The following MAP2K6 variants were observed in gnomAD, a reference collection of about 807,000 sequenced individuals.
MAP2K6 encodes mitogen-activated protein kinase kinase 6.
In MAP2K6, 16 loss-of-function variants were observed where a neutral mutation model predicts 53.7. The ratio of observed to expected loss-of-function variants is 0.30; its 90% CI spans 0.20 to 0.45. The LOEUF (loss-of-function observed/expected upper bound fraction) is 0.45, where lower values mean the gene tolerates loss of function less well. Ranked by LOEUF, MAP2K6 falls within the 20% of genes least tolerant of loss-of-function variation. The pLI, the probability that MAP2K6 is intolerant of heterozygous loss-of-function variation, is 1.00. For synonymous variants in MAP2K6, 132 were observed against 143.1 expected, an observed-to-expected ratio of 0.92 and a Z score of 0.55; for missense variants, 204 against 411.9, an observed-to-expected ratio of 0.50 and a Z score of 4.37.
At chr17:69,524,651 T>A (rs1176986842) in intron 8 of MAP2K6, among the ~76,000 whole-genome samples, 1 of 152,006 alleles carries the variant, frequency 6.6e-6, no homozygotes, top group Non-Finnish European at 1.5e-5. Context: ...TAAGGCAAAT[T>A]TTAAATTTGT....
In MAP2K6 at chr17:69,426,350, C is replaced by T. The variant is rs527647933; in HGVS notation, c.16+11350C>T. Among the ~76,000 whole-genome samples, 383 of 152,302 alleles carry T rather than the reference C, an allele frequency of 2.5e-3. 1 individual carries two copies. Among genetic ancestry groups the T allele is most frequent in the Middle Eastern group, 0.024 (7 of 294 alleles). On this transcript the variant is annotated intron_variant, in intron 1 of 11. Coordinates refer to ENST00000590474, the MANE Select transcript of MAP2K6 (RefSeq NM_002758.4). ...AAATAAAAAGACTGACACTCATTCA[C>T]GAGGTCTTTATGAAGATTAAGCAAG...
chr17:69,418,348 ATTAGTGT>A (rs1905970225), intron 1 of MAP2K6, among the ~76,000 whole-genome samples: 1 of 152,178 alleles, frequency 6.6e-6, no homozygotes, highest in East Asian at 1.9e-4. Flanking sequence ...TGTTTTTCAG[ATTAGTGT>A]TACTTTAATG....
intron 1 of MAP2K6, chr17:69,504,439 C>T (rs978426403): frequency 6.6e-6 from 1 of 152,176 alleles, no homozygotes; most frequent in African/African-American, 2.4e-5. Flanking sequence ...CCATGCCCGG[C>T]TAATTTATTG....
chr17:69,489,598 A>G (rs773598675), intron 1 of MAP2K6, among the ~76,000 whole-genome samples: 2 of 152,226 alleles, frequency 1.3e-5, no homozygotes, highest in African/African-American at 2.4e-5. Context: ...AAATCTTTCT[A>G]TAGGACTGTG....
chr17:69,496,345 C>T (rs1161171698), intron 1 of MAP2K6, among the ~76,000 whole-genome samples: 11 of 150,432 alleles, frequency 7.3e-5, no homozygotes, highest in Non-Finnish European at 1.5e-4. Flanking sequence ...GATCTCGGCT[C>T]ACTGCAACCT....
intron 1 of MAP2K6, among the ~76,000 whole-genome samples, chr17:69,493,139 A>G (rs1461165536): frequency 1.3e-5 from 2 of 152,236 alleles, no homozygotes; most frequent in Admixed American, 6.5e-5. Context: ...GTTGTGTACA[A>G]TTCATTTGGA....
rs1333157661 is a variant in MAP2K6 at position 69,545,453 on chromosome 17, C to T, written c.*3700C>T. ...GCAGCTTTTATCACAGTTAAGCCAT[C>T]TGAAATGGAAACGAGTATGTATGGG... On this transcript the variant is annotated 3_prime_UTR_variant, in exon 12 of 12. Transcript: ENST00000590474. 2.6e-5 allele frequency: 4 copies of T among 152,162 alleles called. No homozygotes were observed. Among genetic ancestry groups the T allele is most frequent in the African/African-American group, 7.2e-5 (3 of 41,432 alleles). 9.4% of individuals were successfully genotyped at this position (152,162 alleles called of 1,614,324 possible).
At chr17:69,418,250 G>A (rs1297500131) in intron 1 of MAP2K6, among the ~76,000 whole-genome samples, 2 of 152,148 alleles carry the variant, frequency 1.3e-5, no homozygotes, top group Non-Finnish European at 2.9e-5. Context: ...GTTCTTTAGA[G>A]CATGCGGCCT....
intron 1 of MAP2K6, chr17:69,504,682 G>C (rs1909368690): frequency 6.5e-6 from 1 of 153,578 alleles, no homozygotes; most frequent in Admixed American, 6.5e-5. Context: ...CCAGGCCCTT[G>C]TTTGCTCTGT....
At chr17:69,453,139 C>T (rs2053596) in intron 1 of MAP2K6, among the ~76,000 whole-genome samples, 2 of 152,186 alleles carry the variant, frequency 1.3e-5, no homozygotes, top group African/African-American at 2.4e-5. Flanking sequence ...GTGCAGATTT[C>T]TGGGATAGGC....
At chr17:69,449,063 C>G (rs1027547965) in intron 1 of MAP2K6, among the ~76,000 whole-genome samples, 1 of 152,136 alleles carries the variant, frequency 6.6e-6, no homozygotes, top group African/African-American at 2.4e-5. Context: ...TGTAAAGGAG[C>G]GTTTTTCTCT....
intron 10 of MAP2K6, among the ~76,000 whole-genome samples, chr17:69,527,570 T>A (rs1351685666): frequency 1.3e-5 from 2 of 152,234 alleles, no homozygotes; most frequent in Non-Finnish European, 2.9e-5. Context: ...TGGCAAGTGA[T>A]GCTGGAAGCA....
chr17:69,439,394 T>C (rs2145146828), intron 1 of MAP2K6, among the ~76,000 whole-genome samples: 1 of 152,324 alleles, frequency 6.6e-6, no homozygotes, highest in African/African-American at 2.4e-5. Context: ...ATTCTCGATT[T>C]CCTCTATTCT....
chr17:69,501,131 T>C (rs1220324959), intron 1 of MAP2K6, among the ~76,000 whole-genome samples: 1 of 152,204 alleles, frequency 6.6e-6, no homozygotes, highest in Non-Finnish European at 1.5e-5. Flanking sequence ...GAAATCCCAT[T>C]CATATTGGGA....
At chr17:69,520,928 A>G in intron 6 of MAP2K6, 121 bp from the exon 7 acceptor site, 2 of 703,204 alleles carry the variant, frequency 2.8e-6, no homozygotes, top group Non-Finnish European at 4.8e-6. Context: ...TAGGACCACC[A>G]CTATTTGAGA....
At position 69,551,248 on chromosome 17, in the gene MAP2K6, A is replaced by G. The variant is rs1295183634; in HGVS notation, c.*9495A>G. 1.3e-5 allele frequency: 2 copies of G among 152,220 alleles called. No homozygotes were observed. The highest frequency in any genetic ancestry group is 2.9e-5 in the Non-Finnish European group (2 of 68,040). 9.4% of individuals were successfully genotyped at this position (152,220 alleles called of 1,614,324 possible). ...AATCCTTTGGACAATGTTGACACAG[A>G]CAGGGGTACGGTCTGAGACTCAAGC... On this transcript the variant is annotated 3_prime_UTR_variant, in exon 12 of 12. Coordinates refer to ENST00000590474, the MANE Select transcript of MAP2K6 (RefSeq NM_002758.4).
rs576579286 is a variant in MAP2K6 at position 69,550,558 on chromosome 17, T to C, written c.*8805T>C. ...GAAGCCATGAATTATGGGGAAGGAG[T>C]AGTTTTTTATTTTATTTTATTTTTC... On this transcript the variant is annotated 3_prime_UTR_variant, in exon 12 of 12. Coordinates refer to ENST00000590474, the MANE Select transcript of MAP2K6 (RefSeq NM_002758.4). 3.6e-4 allele frequency: 54 copies of C among 152,112 alleles called. No individual in the cohort carries two copies. Among genetic ancestry groups the C allele is most frequent in the African/African-American group, 1.3e-3 (54 of 41,508 alleles). The allele number at this position is 152,112 out of a possible 1,614,324, so 9.4% of individuals were successfully genotyped here. A position where few individuals can be genotyped will look rare whatever the true frequency, so the allele number is the denominator to read the frequency against.
chr17:69,519,316 A>G lies in MAP2K6; in HGVS notation c.250A>G (p.Ile84Val). ...PSGQIMAVKR[I>V]RATVNSQEQK... The stretch of plus-strand genomic sequence containing the variant: ...TTTTCCATGCATTTCCATTCAGCGG[A>G]TCCGAGCCACAGTAAATAGCCAGGA... The change falls in exon 5 of 12, where the codon ATC (isoleucine) becomes GTC (valine). Residue 84 changes from isoleucine to valine, a missense_variant. This residue lies in a region of MAP2K6 where 129 missense variants were observed against 247.1 expected (regional missense o/e 0.52). Transcript: ENST00000590474. The G allele has an allele frequency of 6.2e-7, 1 of 1,613,708 alleles. No individual in the cohort carries two copies. The highest frequency in any genetic ancestry group is 8.5e-7 in the Non-Finnish European group (1 of 1,179,816).
At chr17:69,432,061 C>A (rs1906479494) in intron 1 of MAP2K6, among the ~76,000 whole-genome samples, 1 of 152,082 alleles carries the variant, frequency 6.6e-6, no homozygotes, top group Admixed American at 6.5e-5. Context: ...GTAGGGGTCA[C>A]AGAAGGAACA....
Sources: allele counts gnomAD v4.1 joint callset (sites outside exome capture counted in the v4.1 genomes callset), GRCh38; gene constraint gnomAD v4.1.1; regional missense constraint gnomAD v4.1.1; transcripts MANE v1.5; gene names NCBI Gene and HGNC (gene_info 2026-07-23, HGNC 2026-07-21).